The following RANBP2 variants were observed in gnomAD, a reference collection of about 807,000 sequenced individuals.
The protein encoded by RANBP2 is RAN binding protein 2.
Under a neutral mutation model 303.6 loss-of-function variants are expected in RANBP2, and 57 were observed. That is an observed-to-expected ratio of 0.19 (90% CI 0.15 to 0.23). The LOEUF is 0.23. RANBP2 is among the 10% of genes least tolerant of loss of function. The pLI, the probability that RANBP2 is intolerant of heterozygous loss-of-function variation, is 1.00. For missense variants in RANBP2, 3,138 were observed against 3,780.8 expected (o/e 0.83, Z 4.46); for synonymous variants, 1,167 against 1,301.5 (o/e 0.90, Z 2.23).
the RANBP2 span, among the ~76,000 whole-genome samples, chr2:109,691,271 T>C: frequency 2.0e-5 from 3 of 152,214 alleles, no homozygotes; most frequent in Admixed American, 2.0e-4. Context: ...TTCTCTTAGA[T>C]GACAGGTTTT....
At chr2:108,741,074 TAGA>T (rs761263924) in intron 7 of RANBP2, among the ~76,000 whole-genome samples, 1 of 152,200 alleles carries the variant, frequency 6.6e-6, no homozygotes, top group Non-Finnish European at 1.5e-5. Context: ...TAGCCTATGA[TAGA>T]AGAATATGAT....
At chr2:108,944,870 C>T in the RANBP2 span, among the ~76,000 whole-genome samples, 1 of 152,186 alleles carries the variant, frequency 6.6e-6, no homozygotes, top group Non-Finnish European at 1.5e-5. Context: ...TCGCCGCCAC[C>T]TGCAGGTCCC....
chr2:109,675,102 C>G, the RANBP2 span, among the ~76,000 whole-genome samples: 1 of 152,092 alleles, frequency 6.6e-6, no homozygotes, highest in African/African-American at 2.4e-5. Flanking sequence ...CCAGTAAGCT[C>G]GACCACAGGC....
At chr2:109,149,599 C>A in the RANBP2 span, among the ~76,000 whole-genome samples, 1 of 152,144 alleles carries the variant, frequency 6.6e-6, no homozygotes, top group African/African-American at 2.4e-5. Flanking sequence ...CAAGGTCCAG[C>A]AGGAGGACAG....
the RANBP2 span, among the ~76,000 whole-genome samples, chr2:109,224,558 G>T: frequency 2.0e-5 from 3 of 152,158 alleles, no homozygotes; most frequent in African/African-American, 7.2e-5. Flanking sequence ...TCAGGAAGTG[G>T]CTTTTAAAAT....
chr2:109,614,234 G>A, the RANBP2 span: 39 of 840,460 alleles, frequency 4.6e-5, no homozygotes, highest in African/African-American at 5.1e-4. Context: ...GGCCGCCCTA[G>A]GTAGGTGTGG....
chr2:108,739,886 G>T (rs1695936594), intron 6 of RANBP2, among the ~76,000 whole-genome samples: 1 of 152,162 alleles, frequency 6.6e-6, no homozygotes, highest in Admixed American at 6.5e-5. Context: ...TACTCAGAAG[G>T]CTGAGTCAGG....
At chr2:109,497,639 G>A in the RANBP2 span, among the ~76,000 whole-genome samples, 2 of 152,148 alleles carry the variant, frequency 1.3e-5, no homozygotes, top group Admixed American at 1.3e-4. Flanking sequence ...TGTCTATAAC[G>A]GGGAGTATCA....
At chr2:109,338,552 T>G in the RANBP2 span, among the ~76,000 whole-genome samples, 27 of 152,116 alleles carry the variant, frequency 1.8e-4, 1 homozygote, top group African/African-American at 6.5e-4. Flanking sequence ...AAAACCTGTG[T>G]GTAACTTTTT....
At chr2:108,798,615 G>T in the RANBP2 span, 1 of 1,502,274 alleles carries the variant, frequency 6.7e-7, no homozygotes, top group South Asian at 1.2e-5. Flanking sequence ...ATTTTAGAGT[G>T]GTATATTTCT....
the RANBP2 span, among the ~76,000 whole-genome samples, chr2:109,693,487 C>T: frequency 1.3e-5 from 2 of 152,164 alleles, no homozygotes; most frequent in Admixed American, 1.3e-4. Context: ...ATAATTGAAT[C>T]ATGGGGTGGT....
the RANBP2 span, among the ~76,000 whole-genome samples, chr2:108,794,191 G>A: frequency 7.9e-5 from 12 of 152,306 alleles, no homozygotes; most frequent in African/African-American, 2.6e-4. Context: ...ACTTGCATTA[G>A]TGGTAAATTT....
chr2:109,204,552 A>C, the RANBP2 span, among the ~76,000 whole-genome samples: 1 of 152,168 alleles, frequency 6.6e-6, no homozygotes, highest in Non-Finnish European at 1.5e-5. Flanking sequence ...TACAATGTAC[A>C]CATAAATGGG....
At chr2:109,006,484 G>A in the RANBP2 span, among the ~76,000 whole-genome samples, 1 of 152,086 alleles carries the variant, frequency 6.6e-6, no homozygotes, top group Non-Finnish European at 1.5e-5. Flanking sequence ...ATGAGCCACC[G>A]CGCCGGCCCT....
chr2:108,837,513 A>G, the RANBP2 span, among the ~76,000 whole-genome samples: 1 of 152,232 alleles, frequency 6.6e-6, no homozygotes, highest in Non-Finnish European at 1.5e-5. Flanking sequence ...AAAAAAGAAT[A>G]TAAAAAGAAA....
At chr2:109,414,790 C>G in the RANBP2 span, among the ~76,000 whole-genome samples, 1 of 152,226 alleles carries the variant, frequency 6.6e-6, no homozygotes, top group African/African-American at 2.4e-5. Flanking sequence ...AGCAGCATTT[C>G]CATCTGGCCA....
chr2:109,169,993 C>A, the RANBP2 span, among the ~76,000 whole-genome samples: 2 of 152,126 alleles, frequency 1.3e-5, no homozygotes, highest in African/African-American at 4.8e-5. Context: ...AACATCACAT[C>A]CTATTTTCCT....
At chr2:108,755,585 G>T (rs1329890479) in intron 17 of RANBP2, among the ~76,000 whole-genome samples, 3 of 148,514 alleles carry the variant, frequency 2.0e-5, no homozygotes, top group African/African-American at 5.0e-5. Flanking sequence ...ATAGAGATGG[G>T]ATTTTGCCAT....
the RANBP2 span, among the ~76,000 whole-genome samples, chr2:109,079,258 T>C: frequency 6.6e-6 from 1 of 152,184 alleles, no homozygotes; most frequent in Non-Finnish European, 1.5e-5. Context: ...CTCTTCCTTA[T>C]GATTTTCTTA....
Sources: gnomAD v4.1 joint callset for allele counts (sites outside exome capture counted in the v4.1 genomes callset) on GRCh38, gnomAD v4.1.1 for gene constraint, MANE v1.5 for transcripts, NCBI Gene and HGNC (gene_info 2026-07-23, HGNC 2026-07-21) for gene names.